The following NLGN1 variants were observed in gnomAD, a reference collection of about 807,000 sequenced individuals.
NLGN1 encodes neuroligin 1.
A neutral mutation model predicts 65.5 loss-of-function variants in NLGN1; 12 were observed. That is an observed-to-expected ratio of 0.18 (90% CI 0.12 to 0.30). The LOEUF is 0.30. NLGN1 is among the 10% of genes least tolerant of loss of function. The probability of loss-of-function intolerance (pLI) is 1.00; values close to 1 mark genes in which losing one functional copy is unlikely to be tolerated. For missense variants in NLGN1, 750 were observed against 1,007.1 expected, an observed-to-expected ratio of 0.74 and a Z score of 3.46; for synonymous variants, 350 against 359.5, an observed-to-expected ratio of 0.97 and a Z score of 0.30.
chr3:174,278,166 ATCTTTCTGCTGATGGT>A, intron 5 of NLGN1, among the ~76,000 whole-genome samples: 1 of 152,064 alleles, frequency 6.6e-6, no homozygotes, highest in Non-Finnish European at 1.5e-5. Flanking sequence ...CCCACACTAA[ATCTTTCTGCTGATGGT>A]TTTTTCTTTA....
chr3:173,833,765 T>C (rs1723056078), intron 4 of NLGN1, among the ~76,000 whole-genome samples: 1 of 152,176 alleles, frequency 6.6e-6, no homozygotes, highest in Non-Finnish European at 1.5e-5. Context: ...CCTCCCAAAG[T>C]GCTGAGATTA....
At chr3:174,282,363 C>T (rs541856942) in exon 7 of NLGN1, 29 of 152,172 alleles carry the variant, frequency 1.9e-4, no homozygotes, top group African/African-American at 6.7e-4. Flanking sequence ...AGGATGCCCC[C>T]GTATTACCAC....
intron 1 of NLGN1, among the ~76,000 whole-genome samples, chr3:173,422,290 G>A (rs915370808): frequency 6.6e-6 from 1 of 152,116 alleles, no homozygotes; most frequent in African/African-American, 2.4e-5. Flanking sequence ...AATATCACAT[G>A]TACTTACTCA....
Position 174,034,083 on chromosome 3 carries a change from G to A in NLGN1, c.646+226251G>A, listed in dbSNP as rs1309833199. On this transcript the variant is annotated intron_variant, in intron 4 of 6. Transcript: ENST00000457714. Reference sequence around the variant, plus strand: ...AAGAAGCCAGAGAGAAACACTTTATGTATAGAGGAACAAGGATAAGAATTA... The same window carrying A: ...AAGAAGCCAGAGAGAAACACTTTATATATAGAGGAACAAGGATAAGAATTA... Among the ~76,000 whole-genome samples, 3 of 152,172 alleles carry A rather than the reference G, an allele frequency of 2.0e-5. No individual in the cohort carries two copies. In the South Asian group the frequency reaches 6.2e-4, roughly 32 times the overall value.
intron 4 of NLGN1, among the ~76,000 whole-genome samples, chr3:174,059,877 G>C (rs1464591343): frequency 1.3e-5 from 2 of 152,150 alleles, no homozygotes; most frequent in Admixed American, 1.3e-4. Flanking sequence ...CAGCATAACA[G>C]TTATTCTTAA....
intron 4 of NLGN1, among the ~76,000 whole-genome samples, chr3:173,829,738 T>C (rs922295337): frequency 6.6e-6 from 1 of 152,206 alleles, no homozygotes; most frequent in Non-Finnish European, 1.5e-5. Flanking sequence ...ATCTGTGCTC[T>C]GGTAGAATTT....
At chr3:173,615,388 T>C (rs1199110045) in intron 3 of NLGN1, among the ~76,000 whole-genome samples, 3 of 152,152 alleles carry the variant, frequency 2.0e-5, no homozygotes, top group Non-Finnish European at 4.4e-5. Context: ...TCAGAGGGTT[T>C]ATTTACATTG....
At chr3:173,649,069 G>C (rs986812985) in intron 3 of NLGN1, among the ~76,000 whole-genome samples, 1 of 152,090 alleles carries the variant, frequency 6.6e-6, no homozygotes, top group African/African-American at 2.4e-5. Flanking sequence ...ATACAACTCA[G>C]TAATAAGAAG....
intron 4 of NLGN1, among the ~76,000 whole-genome samples, chr3:174,178,169 G>A (rs1294718155): frequency 2.0e-5 from 3 of 152,248 alleles, no homozygotes; most frequent in East Asian, 3.9e-4. Flanking sequence ...ACACTATCTA[G>A]TGAACTAGGG....
At chr3:174,127,506 C>T (rs1719196649) in intron 4 of NLGN1, among the ~76,000 whole-genome samples, 1 of 151,982 alleles carries the variant, frequency 6.6e-6, no homozygotes, top group African/African-American at 2.4e-5. Flanking sequence ...AATAGTAATA[C>T]TCCCTCCTTC....
intron 3 of NLGN1, among the ~76,000 whole-genome samples, chr3:173,655,095 G>A (rs1759791382): frequency 6.6e-6 from 1 of 152,140 alleles, no homozygotes; most frequent in South Asian, 2.1e-4. Context: ...ATAGCATATA[G>A]TTTGCACCTT....
At chr3:173,878,971 G>T (rs934410892) in intron 4 of NLGN1, among the ~76,000 whole-genome samples, 2 of 151,976 alleles carry the variant, frequency 1.3e-5, no homozygotes, top group Non-Finnish European at 2.9e-5. Flanking sequence ...GTGACTTAAC[G>T]CCTGTAATCC....
chr3:173,675,408 G>A (rs1762985331), intron 3 of NLGN1, among the ~76,000 whole-genome samples: 1 of 151,820 alleles, frequency 6.6e-6, no homozygotes, highest in African/African-American at 2.4e-5. Context: ...ATGCATCTAG[G>A]AGCTTCAGGT....
chr3:173,767,043 T>C (rs1230775768), intron 3 of NLGN1, among the ~76,000 whole-genome samples: 2 of 152,182 alleles, frequency 1.3e-5, no homozygotes, highest in Non-Finnish European at 2.9e-5. Flanking sequence ...GTAATTACAA[T>C]GTATCCTGAG....
chr3:174,211,649 C>T (rs1304062377), intron 4 of NLGN1, among the ~76,000 whole-genome samples: 1 of 151,058 alleles, frequency 6.6e-6, no homozygotes, highest in African/African-American at 2.4e-5. Flanking sequence ...TTGAGCTAAA[C>T]ACAGGGTGCT....
chr3:173,953,965 TA>T (rs1393459311), intron 4 of NLGN1, among the ~76,000 whole-genome samples: 57 of 152,298 alleles, frequency 3.7e-4, no homozygotes, highest in African/African-American at 1.2e-3. Flanking sequence ...AAAGATGTTC[TA>T]AAGTTAAATG....
intron 4 of NLGN1, among the ~76,000 whole-genome samples, chr3:174,209,488 T>C (rs1736037184): frequency 6.6e-6 from 1 of 152,110 alleles, no homozygotes; most frequent in Non-Finnish European, 1.5e-5. Flanking sequence ...TGCAGGTAAA[T>C]GCCTAACAAA....
At chr3:173,539,799 T>TATATATGTACATATATACATATATAC (rs766904462) in intron 2 of NLGN1, among the ~76,000 whole-genome samples, 2 of 43,910 alleles carry the variant, frequency 4.6e-5, no homozygotes, top group Non-Finnish European at 8.8e-5. Context: ...CATATATACA[T>TATATATGTACATATATACATATATAC]ATATATACAT....
chr3:173,794,617 TA>T (rs1713596794), intron 3 of NLGN1, among the ~76,000 whole-genome samples: 1 of 152,142 alleles, frequency 6.6e-6, no homozygotes, highest in Non-Finnish European at 1.5e-5. Flanking sequence ...TTCTCCAGAA[TA>T]AAAGGAACAT....
Sources: allele counts gnomAD v4.1 joint callset (sites outside exome capture counted in the v4.1 genomes callset), GRCh38; gene constraint gnomAD v4.1.1; transcripts MANE v1.5; gene names NCBI Gene and HGNC (gene_info 2026-07-23, HGNC 2026-07-21).